TBL1XR1: variants seen among roughly 807,000 people sequenced by gnomAD.
TBL1XR1 encodes the protein TBL1X/Y related 1.
Under a neutral mutation model 66.9 loss-of-function variants are expected in TBL1XR1, and 5 were observed. That is an observed-to-expected ratio of 0.07 (90% CI 0.04 to 0.16). The LOEUF is 0.16. Ranked by LOEUF, TBL1XR1 falls within the 10% of genes least tolerant of loss-of-function variation. TBL1XR1 has a pLI of 1.00. For missense variants in TBL1XR1, 238 were observed against 623.2 expected, an observed-to-expected ratio of 0.38 and a Z score of 6.58; for synonymous variants, 210 against 206.0, an observed-to-expected ratio of 1.02 and a Z score of -0.17.
rs553296198 is a variant in TBL1XR1, at chr3:177,060,354, C to G, written c.58+4566G>C. Among the ~76,000 whole-genome samples the G allele has an allele frequency of 2.6e-5, 4 of 152,298 alleles. No individual in the cohort carries two copies. The South Asian group carries it at 8.3e-4, about 32-fold the overall frequency. ...TTTAAAAAGTAATAATATTCAGAAT[C>G]ACTATCTAGAAAGTTACTCATTTTA... On this transcript the variant is annotated intron_variant, in intron 3 of 15. Transcript: ENST00000457928.
chr3:177,181,396 C>G (rs1196770692), intron 1 of TBL1XR1, among the ~76,000 whole-genome samples: 1 of 151,648 alleles, frequency 6.6e-6, no homozygotes, highest in African/African-American at 2.4e-5. Context: ...ATGAGAATCA[C>G]CTGAACCCGG....
intron 2 of TBL1XR1, among the ~76,000 whole-genome samples, chr3:177,091,559 C>T (rs1722846107): frequency 6.6e-6 from 1 of 152,074 alleles, no homozygotes; most frequent in African/African-American, 2.4e-5. Context: ...ACCAGAGAGA[C>T]AATACTAGAG....
intron 1 of TBL1XR1, among the ~76,000 whole-genome samples, chr3:177,117,435 AG>A (rs1176734933): frequency 6.6e-6 from 1 of 152,204 alleles, no homozygotes; most frequent in African/African-American, 2.4e-5. Flanking sequence ...TGGTATTGAA[AG>A]TCATGCAGAT....
intron 1 of TBL1XR1, among the ~76,000 whole-genome samples, chr3:177,112,699 T>A (rs1050562110): frequency 5.3e-5 from 8 of 152,178 alleles, no homozygotes; most frequent in African/African-American, 1.7e-4. Flanking sequence ...TGAGAACACT[T>A]TTTTGTGAAA....
At chr3:177,144,569 C>G (rs1189880547) in intron 1 of TBL1XR1, among the ~76,000 whole-genome samples, 1 of 151,542 alleles carries the variant, frequency 6.6e-6, no homozygotes, top group Non-Finnish European at 1.5e-5. Context: ...CTGGCTAGCA[C>G]AGTGAAACCC....
Position 177,076,364 on chromosome 3 carries a change from T to C in TBL1XR1, c.-45-11342A>G, listed in dbSNP as rs78930907. The stretch of plus-strand genomic sequence containing the variant: ...ATGTTCTCCCTGTGTCTTCACACTG[T>C]TCTCCCTCTGTATGTGCCCAAATTT... On this transcript the variant is annotated intron_variant, in intron 2 of 15. Coordinates refer to ENST00000457928, the MANE Select transcript of TBL1XR1 (RefSeq NM_024665.7). Among the ~76,000 whole-genome samples the C allele has an allele frequency of 5.1e-3, 772 of 152,328 alleles. 10 individuals carry two copies. Among genetic ancestry groups the C allele is most frequent in the African/African-American group, 0.018 (742 of 41,574 alleles).
intron 1 of TBL1XR1, among the ~76,000 whole-genome samples, chr3:177,172,430 A>C (rs1039935021): frequency 1.3e-5 from 2 of 151,988 alleles, no homozygotes; most frequent in Admixed American, 6.6e-5. Flanking sequence ...TGTAAAAAGG[A>C]ATAAGGGAAC....
intron 14 of TBL1XR1, among the ~76,000 whole-genome samples, chr3:177,028,837 T>G (rs904378355): frequency 1.3e-5 from 2 of 152,136 alleles, no homozygotes; most frequent in African/African-American, 2.4e-5. Context: ...TGCTATTGAT[T>G]CAGATAAGGC....
At chr3:177,030,151 C>T (rs890547399) in intron 14 of TBL1XR1, among the ~76,000 whole-genome samples, 1 of 149,530 alleles carries the variant, frequency 6.7e-6, no homozygotes, top group Admixed American at 6.7e-5. Flanking sequence ...GAGAGAGAGA[C>T]AGACACACAC....
intron 1 of TBL1XR1, chr3:177,171,314 T>G (rs1733465324): frequency 1.3e-5 from 2 of 152,046 alleles, no homozygotes; most frequent in African/African-American, 4.8e-5. Flanking sequence ...CACTACAGCC[T>G]GAGCAACAAG....
At chr3:177,201,414 CAAAAAAAAAAAAAA>C (rs557996871), upstream of TBL1XR1, among the ~76,000 whole-genome samples, 8 of 41,356 alleles carry the variant, frequency 1.9e-4, no homozygotes, top group Non-Finnish European at 4.6e-4. Flanking sequence ...GATTACATCT[CAAAAAAAAAAAAAA>C]AAAAAAAACA....
At chr3:177,198,578 G>A (rs1737226111), upstream of TBL1XR1, among the ~76,000 whole-genome samples, 1 of 152,140 alleles carries the variant, frequency 6.6e-6, no homozygotes. Context: ...TAAAGCAAAT[G>A]GGGTGGTAAT....
intron 1 of TBL1XR1, among the ~76,000 whole-genome samples, chr3:177,171,807 A>C (rs983353970): frequency 1.3e-5 from 2 of 151,910 alleles, no homozygotes; most frequent in African/African-American, 2.4e-5. Flanking sequence ...GAAAAATACC[A>C]GAAGAGTTTG....
intron 1 of TBL1XR1, among the ~76,000 whole-genome samples, chr3:177,139,037 G>A (rs2108812697): frequency 6.6e-6 from 1 of 152,230 alleles, no homozygotes; most frequent in Middle Eastern, 3.4e-3. Flanking sequence ...TACTAACCAA[G>A]ATGCACCAAA....
At chr3:177,195,598 C>G (rs997699375) in intron 1 of TBL1XR1, 4 of 151,534 alleles carry the variant, frequency 2.6e-5, no homozygotes, top group African/African-American at 4.8e-5. Flanking sequence ...ATTATTTATT[C>G]CAAGTTATTT....
At chr3:177,174,666 T>C (rs954641373) in intron 1 of TBL1XR1, among the ~76,000 whole-genome samples, 5 of 152,146 alleles carry the variant, frequency 3.3e-5, no homozygotes, top group African/African-American at 1.2e-4. Flanking sequence ...CAATTGCATT[T>C]TTTGCAGAAT....
chr3:177,068,812 CAAAG>C lies in TBL1XR1; in HGVS notation c.-45-3794_-45-3791del, dbSNP rs1336471975. ...AAAAACAGTGAAAGAGTTATGGACA[CAAAG>C]AAAGAAATAAGATTATCTTCTTAAA... On this transcript the variant is annotated intron_variant, in intron 2 of 15. Transcript: ENST00000457928. Among the ~76,000 whole-genome samples, 7 of 152,182 alleles carry C rather than the reference CAAAG, an allele frequency of 4.6e-5. No homozygotes were observed. In the East Asian group the frequency reaches 5.8e-4, roughly 13 times the overall value.
intron 7 of TBL1XR1, among the ~76,000 whole-genome samples, 175 bp downstream of exon 7, chr3:177,049,822 C>A (rs1480479768): frequency 6.6e-6 from 1 of 152,162 alleles, no homozygotes; most frequent in East Asian, 1.9e-4. Flanking sequence ...CTGACTAAGG[C>A]AAGTCTGTGT....
chr3:177,058,298 G>A (rs1025680012), intron 3 of TBL1XR1, among the ~76,000 whole-genome samples: 2 of 152,134 alleles, frequency 1.3e-5, no homozygotes, highest in Non-Finnish European at 2.9e-5. Context: ...CTGCCCTACA[G>A]ATCCAGATTT....
Sources: gnomAD v4.1 joint callset for allele counts (sites outside exome capture counted in the v4.1 genomes callset) on GRCh38, gnomAD v4.1.1 for gene constraint, MANE v1.5 for transcripts, NCBI Gene and HGNC (gene_info 2026-07-23, HGNC 2026-07-21) for gene names.